The following NBAS variants were observed in gnomAD, a reference collection of about 807,000 sequenced individuals.
The protein encoded by NBAS is NBAS subunit of NRZ tethering complex.
A neutral mutation model predicts 302.5 loss-of-function variants in NBAS; 219 were observed. That is an observed-to-expected ratio of 0.72 (90% CI 0.65 to 0.81). NBAS has a LOEUF of 0.81. Among genes scored for constraint, NBAS ranks in the 30% least tolerant of loss-of-function variants. NBAS has a pLI of 0.00. For synonymous variants in NBAS, 1,118 were observed against 1,021.6 expected (o/e 1.09, Z -1.80); for missense variants, 2,932 against 2,841.6 (o/e 1.03, Z -0.72).
chr2:15,033,538 C>A, the NBAS span, among the ~76,000 whole-genome samples: 1 of 152,222 alleles, frequency 6.6e-6, no homozygotes, highest in Non-Finnish European at 1.5e-5. Flanking sequence ...GTTAAGGACT[C>A]ATTGTCGTTT....
chr2:15,525,696 T>G (rs1313674681), intron 9 of NBAS, among the ~76,000 whole-genome samples: 1 of 152,170 alleles, frequency 6.6e-6, no homozygotes, highest in Non-Finnish European at 1.5e-5. Flanking sequence ...AAATGTAAAT[T>G]AGGGTCTAGA....
intron 35 of NBAS, among the ~76,000 whole-genome samples, chr2:15,348,456 G>A (rs1673193573): frequency 6.6e-6 from 1 of 152,032 alleles, no homozygotes; most frequent in Non-Finnish European, 1.5e-5. Context: ...GCCACCAAGA[G>A]GCCAGGCTGA....
At chr2:15,083,421 C>T in the NBAS span, among the ~76,000 whole-genome samples, 153 of 152,290 alleles carry the variant, frequency 1.0e-3, no homozygotes, top group African/African-American at 3.6e-3. Flanking sequence ...CTTTTTCTCC[C>T]CAGGTTTGTT....
rs1573005645 is a variant in NBAS at position 15,551,655 on chromosome 2, A to T, written c.336-119T>A. 4.4e-6 allele frequency: 3 copies of T among 683,588 alleles called. No individual in the cohort carries two copies. The East Asian group carries it at 8.4e-5, about 19-fold the overall frequency. 42.3% of individuals were successfully genotyped at this position (683,588 alleles called of 1,614,324 possible). A position where few individuals can be genotyped will look rare whatever the true frequency, so the allele number is the denominator to read the frequency against. ...ACAATGCTCAATCATATCTCCTCTC[A>T]GACATGGTTTTGTGGCTCAATTATG... is the stretch of plus-strand genomic sequence containing the variant. On this transcript the variant is annotated intron_variant, in intron 5 of 51. Transcript: ENST00000281513.
chr2:14,879,910 A>C, the NBAS span, among the ~76,000 whole-genome samples: 3 of 152,196 alleles, frequency 2.0e-5, no homozygotes, highest in Admixed American at 1.3e-4. Context: ...GGAAAATGCC[A>C]GTAAAATGTC....
chr2:15,167,359 G>A, intron 51 of NBAS, 36 bp from the exon 52 acceptor site: 1 of 1,612,154 alleles, frequency 6.2e-7, no homozygotes, highest in Admixed American at 1.7e-5. Context: ...GTGAGGGGGT[G>A]TTTGCTTTGT....
intron 44 of NBAS, among the ~76,000 whole-genome samples, chr2:15,266,415 C>T (rs116720402): frequency 3.3e-5 from 5 of 152,076 alleles, no homozygotes; most frequent in African/African-American, 9.7e-5. Context: ...TCTGCTTTCC[C>T]AGTCTCCTAA....
intron 32 of NBAS, among the ~76,000 whole-genome samples, chr2:15,364,765 A>C (rs1022661988): frequency 6.6e-6 from 1 of 152,134 alleles, no homozygotes; most frequent in African/African-American, 2.4e-5. Context: ...CCTTTGACAG[A>C]GTCCAACCCT....
chr2:15,074,668 A>G, the NBAS span, among the ~76,000 whole-genome samples: 4 of 152,088 alleles, frequency 2.6e-5, no homozygotes, highest in African/African-American at 7.2e-5. Context: ...GGGGAAAAAC[A>G]TAAACAAAAC....
the NBAS span, among the ~76,000 whole-genome samples, chr2:14,962,953 A>C: frequency 3.3e-5 from 5 of 152,168 alleles, no homozygotes; most frequent in East Asian, 1.9e-4. Flanking sequence ...GAAAAAAAAA[A>C]ACAAAAAACT....
chr2:15,305,453 T>G (rs1454796264), intron 40 of NBAS, among the ~76,000 whole-genome samples: 2 of 142,662 alleles, frequency 1.4e-5, no homozygotes, highest in Non-Finnish European at 3.0e-5. Flanking sequence ...CGAGCAGTTT[T>G]TTTTTTTTTT....
intron 7 of NBAS, 27 bp downstream of exon 7, chr2:15,539,196 T>C: frequency 1.2e-6 from 2 of 1,614,046 alleles, no homozygotes; most frequent in South Asian, 2.2e-5. Flanking sequence ...GAAAAAACTA[T>C]GTTTTCAATT....
At chr2:15,446,504 A>G (rs1193702930) in intron 21 of NBAS, among the ~76,000 whole-genome samples, 1 of 152,216 alleles carries the variant, frequency 6.6e-6, no homozygotes, top group Non-Finnish European at 1.5e-5. Context: ...ATAAAAGCAA[A>G]GAGAATTCAA....
intron 44 of NBAS, 23 bp downstream of exon 44, chr2:15,275,461 C>T: frequency 6.2e-7 from 1 of 1,609,430 alleles, no homozygotes; most frequent in Non-Finnish European, 8.5e-7. Context: ...GCTCAAACCA[C>T]TTTAAAATAT....
At chr2:15,260,664 C>A (rs1276884769) in intron 44 of NBAS, among the ~76,000 whole-genome samples, 1 of 152,158 alleles carries the variant, frequency 6.6e-6, no homozygotes, top group Non-Finnish European at 1.5e-5. Flanking sequence ...GACTGAAAAA[C>A]ACTCCTATGC....
At chr2:15,354,505 G>A (rs141282862) in intron 33 of NBAS, among the ~76,000 whole-genome samples, 163 of 152,152 alleles carry the variant, frequency 1.1e-3, no homozygotes, top group African/African-American at 3.8e-3. Flanking sequence ...CTCTCCATAT[G>A]AACAATTTAG....
intron 41 of NBAS, among the ~76,000 whole-genome samples, chr2:15,291,070 A>G (rs571468945): frequency 6.6e-6 from 1 of 152,254 alleles, no homozygotes; most frequent in Non-Finnish European, 1.5e-5. Context: ...TCAGGAGAGA[A>G]AAATAACCAT....
the NBAS span, among the ~76,000 whole-genome samples, chr2:15,054,058 A>AGG: frequency 6.6e-6 from 1 of 152,122 alleles, no homozygotes; most frequent in East Asian, 1.9e-4. Context: ...GGAGGTCAAC[A>AGG]ATCCCCTCCA....
At chr2:14,909,365 C>CAAAAAAAAAAAAAAAAAAAAAA in the NBAS span, among the ~76,000 whole-genome samples, 1 of 50,132 alleles carries the variant, frequency 2.0e-5, no homozygotes, top group Non-Finnish European at 3.6e-5. Flanking sequence ...GGGAGAGTTT[C>CAAAAAAAAAAAAAAAAAAAAAA]TAAAAAAAAA....
Sources: allele counts gnomAD v4.1 joint callset (sites outside exome capture counted in the v4.1 genomes callset), GRCh38; gene constraint gnomAD v4.1.1; transcripts MANE v1.5; gene names NCBI Gene and HGNC (gene_info 2026-07-23, HGNC 2026-07-21).